ZHX3: variants seen among roughly 807,000 people sequenced by gnomAD.
The protein encoded by ZHX3 is zinc fingers and homeoboxes protein 3.
Under a neutral mutation model 64.5 loss-of-function variants are expected in ZHX3, and 20 were observed. The ratio of observed to expected loss-of-function variants is 0.31; its 90% CI spans 0.22 to 0.45. The LOEUF (loss-of-function observed/expected upper bound fraction) is 0.45, where lower values mean the gene tolerates loss of function less well. Among genes scored for constraint, ZHX3 ranks in the 20% least tolerant of loss-of-function variants. ZHX3 has a pLI of 1.00. For missense variants in ZHX3, 1,041 were observed against 1,195.8 expected, an observed-to-expected ratio of 0.87 and a Z score of 1.91; for synonymous variants, 423 against 461.6, an observed-to-expected ratio of 0.92 and a Z score of 1.07.
At chr20:41,241,160 C>T (rs1568881594) in intron 2 of ZHX3, among the ~76,000 whole-genome samples, 2 of 152,170 alleles carry the variant, frequency 1.3e-5, no homozygotes, top group Non-Finnish European at 2.9e-5. Context: ...TCCATATCCT[C>T]ACCAGCATTT....
At position 41,184,769 on chromosome 20, in the gene ZHX3, G is replaced by A; in HGVS notation, c.*422C>T. On this transcript the variant is annotated 3_prime_UTR_variant, in exon 4 of 4. Transcript: ENST00000683867. Reference sequence around the variant, plus strand: ...AGAGAACAGACACAGGTCATTTTTAGAGATGACGTAACTGACAATGCACTG... The same window carrying A: ...AGAGAACAGACACAGGTCATTTTTAAAGATGACGTAACTGACAATGCACTG... The A allele has an allele frequency of 1.0e-6, 1 of 960,058 alleles. No individual in the cohort carries two copies. Among genetic ancestry groups the A allele is most frequent in the Non-Finnish European group, 1.5e-6 (1 of 666,594 alleles). The allele number at this position is 960,058 out of a possible 1,614,324, so 59.5% of individuals were successfully genotyped here. A position where few individuals can be genotyped will look rare whatever the true frequency, so the allele number is the denominator to read the frequency against.
chr20:41,207,551 C>T (rs1220292231), intron 2 of ZHX3, among the ~76,000 whole-genome samples: 2 of 152,190 alleles, frequency 1.3e-5, no homozygotes, highest in African/African-American at 4.8e-5. Flanking sequence ...CACTCAAAAC[C>T]GCTCAACTAC....
At chr20:41,206,266 T>C (rs1393165195) in intron 2 of ZHX3, among the ~76,000 whole-genome samples, 2 of 152,180 alleles carry the variant, frequency 1.3e-5, no homozygotes, top group African/African-American at 2.4e-5. Flanking sequence ...ACGCAGCTCC[T>C]CACCTGCAAT....
At chr20:41,277,713 T>G (rs186270322) in intron 1 of ZHX3, among the ~76,000 whole-genome samples, 1 of 148,424 alleles carries the variant, frequency 6.7e-6, no homozygotes, top group Non-Finnish European at 1.5e-5. Context: ...TGCCTCAGCC[T>G]CCTGAGTAGC....
At chr20:41,273,069 G>C (rs2043221046) in intron 1 of ZHX3, among the ~76,000 whole-genome samples, 2 of 152,086 alleles carry the variant, frequency 1.3e-5, no homozygotes, top group Non-Finnish European at 2.9e-5. Context: ...TTAAAGTATA[G>C]ACATCTTAGT....
chr20:41,235,039 G>A (rs1225145540), intron 2 of ZHX3, among the ~76,000 whole-genome samples: 1 of 152,248 alleles, frequency 6.6e-6, no homozygotes, highest in Non-Finnish European at 1.5e-5. Flanking sequence ...TTATCCCCAT[G>A]CCAAACCAGC....
rs369571269 is a variant in ZHX3 at position 41,192,800 on chromosome 20, G to A, written c.2861-7599C>T. On this transcript the variant is annotated intron_variant, in intron 3 of 3. Transcript: ENST00000683867. Reference sequence around the variant, plus strand: ...TCAGGAAGTGTGGGGGACCCAGTGCGAGCTCCGTTCTGGAGCAGTTCCATT... The same window carrying A: ...TCAGGAAGTGTGGGGGACCCAGTGCAAGCTCCGTTCTGGAGCAGTTCCATT... Among the ~76,000 whole-genome samples the A allele has an allele frequency of 2.2e-4, 34 of 152,300 alleles. No homozygotes were observed. The East Asian group carries it at 3.7e-3, about 16-fold the overall frequency.
Position 41,204,079 on chromosome 20 carries a change from C to A in ZHX3, c.838G>T (p.Val280Leu), listed in dbSNP as rs113045007. Residue 280 changes from valine to leucine, a missense_variant, in exon 3 of 4, where the codon GTG becomes TTG. Coordinates refer to ENST00000683867, the MANE Select transcript of ZHX3 (RefSeq NM_001384317.1). This position sits in a 1 kb window ranked among gnomAD's most constrained non-coding sequence, Gnocchi z 6.6. ...TGGTGGACATGGTGTTGGGCATGCACTGGGGGCTGCTGCTGGAGGGAGAGG... is the reference window on the plus strand; with the variant it reads ...TGGTGGACATGGTGTTGGGCATGCAATGGGGGCTGCTGCTGGAGGGAGAGG... ...QFLSLQQQPPVHAQHHVHQPL... is the reference protein window; with the variant it reads ...QFLSLQQQPPLHAQHHVHQPL... 10 of 1,609,912 alleles carry A rather than the reference C, an allele frequency of 6.2e-6. No individual in the cohort carries two copies. The highest frequency in any genetic ancestry group is 6.8e-6 in the Non-Finnish European group (8 of 1,177,554).
At chr20:41,227,339 CTCTAA>C (rs1246296744) in intron 2 of ZHX3, among the ~76,000 whole-genome samples, 8 of 152,212 alleles carry the variant, frequency 5.3e-5, no homozygotes, top group African/African-American at 1.9e-4. Flanking sequence ...CCTGAGCCTT[CTCTAA>C]TCTAAAACGC....
At chr20:41,280,506 A>C (rs2043623014) in intron 1 of ZHX3, among the ~76,000 whole-genome samples, 1 of 152,252 alleles carries the variant, frequency 6.6e-6, no homozygotes, top group South Asian at 2.1e-4. Flanking sequence ...CTATGGAGAT[A>C]CTAAGGGAGA....
At chr20:41,254,177 C>CAAAAAT (rs1176689875) in intron 2 of ZHX3, among the ~76,000 whole-genome samples, 3 of 152,030 alleles carry the variant, frequency 2.0e-5, no homozygotes, top group Middle Eastern at 3.2e-3. Flanking sequence ...GGGGACACTG[C>CAAAAAT]AAAAATAAAA....
chr20:41,272,952 C>T (rs888620217), intron 1 of ZHX3, among the ~76,000 whole-genome samples: 4 of 152,178 alleles, frequency 2.6e-5, no homozygotes, highest in African/African-American at 9.7e-5. Flanking sequence ...AACTACTACA[C>T]TGTTTCCCAC....
chr20:41,265,742 C>G (rs778523548), intron 2 of ZHX3, among the ~76,000 whole-genome samples: 2 of 152,146 alleles, frequency 1.3e-5, no homozygotes, highest in Non-Finnish European at 2.9e-5. Flanking sequence ...CTACTATATA[C>G]TTAATTACCT....
intron 2 of ZHX3, among the ~76,000 whole-genome samples, chr20:41,209,241 T>C (rs1176348280): frequency 6.6e-6 from 1 of 152,064 alleles, no homozygotes; most frequent in Non-Finnish European, 1.5e-5. Context: ...GAAGAATCAA[T>C]ATTGTGAAAA....
At chr20:41,221,027 A>G (rs917222648) in intron 2 of ZHX3, among the ~76,000 whole-genome samples, 2 of 152,096 alleles carry the variant, frequency 1.3e-5, no homozygotes, top group Non-Finnish European at 2.9e-5. Flanking sequence ...TTTTTGGAAA[A>G]AAAGAATCAT....
chr20:41,250,631 A>G (rs2041946066), intron 2 of ZHX3, among the ~76,000 whole-genome samples: 1 of 152,244 alleles, frequency 6.6e-6, no homozygotes, highest in Admixed American at 6.5e-5. Context: ...AGAGTATTCA[A>G]AAAGATAATG....
Position 41,263,537 on chromosome 20 carries a change from C to A in ZHX3, c.-151+5453G>T, listed in dbSNP as rs574041941. Among the ~76,000 whole-genome samples, 38 of 151,544 alleles carry A rather than the reference C, an allele frequency of 2.5e-4. 1 individual carries two copies. The highest frequency in any genetic ancestry group is 8.7e-4 in the African/African-American group (36 of 41,258). ...AGCCTCCAGAGTAGCTGGGACTACA[C>A]GTGTATGCCACCATGCCCGGCTAAT... is the stretch of plus-strand genomic sequence containing the variant. On this transcript the variant is annotated intron_variant, in intron 2 of 3. Transcript: ENST00000683867.
rs998851046 is a variant in ZHX3 at position 41,185,606 on chromosome 20, C to T, written c.2861-405G>A. 4 of 285,590 alleles carry T rather than the reference C, an allele frequency of 1.4e-5. No homozygotes were observed. Among genetic ancestry groups the T allele is most frequent in the African/African-American group, 4.3e-5 (2 of 46,080 alleles). The allele number at this position is 285,590 out of a possible 1,614,324, so 17.7% of individuals were successfully genotyped here. On this transcript the variant is annotated intron_variant, in intron 3 of 3. Transcript: ENST00000683867. The surrounding 1 kb of genome is among the most constrained non-coding windows in gnomAD (Gnocchi z 5.0). The stretch of plus-strand genomic sequence containing the variant: ...AGAACATACTGTTCCAATATAATAG[C>T]AGCTGGGTCTAGTTCTGATATGTAT...
In ZHX3 at chr20:41,183,982, C is replaced by A. The variant is rs528177620; in HGVS notation, c.*1209G>T. On this transcript the variant is annotated 3_prime_UTR_variant, in exon 4 of 4. Transcript: ENST00000683867. The surrounding 1 kb of genome is among the most constrained non-coding windows in gnomAD (Gnocchi z 5.3). ...AACTTTAAAAGCATCCTCACAAGGA[C>A]CAGTGATGCCCAGCACCCTTGGGCA... The A allele has an allele frequency of 2.6e-5, 4 of 152,312 alleles. No individual in the cohort carries two copies. The East Asian group carries it at 7.7e-4, about 29-fold the overall frequency. 9.4% of individuals were successfully genotyped at this position (152,312 alleles called of 1,614,324 possible). A position where few individuals can be genotyped will look rare whatever the true frequency, so the allele number is the denominator to read the frequency against.
Sources: allele counts gnomAD v4.1 joint callset (sites outside exome capture counted in the v4.1 genomes callset), GRCh38; gene constraint gnomAD v4.1.1; non-coding constraint Gnocchi (gnomAD v3.1); transcripts MANE v1.5; gene names NCBI Gene and HGNC (gene_info 2026-07-23, HGNC 2026-07-21).